Variants in ANO4 observed in about 807,000 individuals in gnomAD.
ANO4 encodes the protein anoctamin-4.
In ANO4, 69 loss-of-function variants were observed where a neutral mutation model predicts 141.9. The observed-to-expected ratio is 0.49, with a 90% CI of 0.40 to 0.59. ANO4 has a LOEUF of 0.59. Ranked by LOEUF, ANO4 falls within the 20% of genes least tolerant of loss-of-function variation. ANO4 has a pLI of 0.00. For missense variants in ANO4, 894 were observed against 1,162.2 expected, an observed-to-expected ratio of 0.77 and a Z score of 3.36; for synonymous variants, 350 against 394.3, an observed-to-expected ratio of 0.89 and a Z score of 1.33.
At chr12:101,079,331 ACCC>A in intron 15 of ANO4, 56 bp downstream of exon 15, 1 of 1,306,922 alleles carries the variant, frequency 7.7e-7, no homozygotes, top group Non-Finnish European at 1.1e-6. Context: ...GAACCACACG[ACCC>A]CCCCCCAAAA....
intron 1 of ANO4, among the ~76,000 whole-genome samples, chr12:100,801,752 G>T (rs1488418318): frequency 6.6e-6 from 1 of 150,694 alleles, no homozygotes; most frequent in East Asian, 2.0e-4. Flanking sequence ...GGGCTGGGGG[G>T]TGGGGTGGAG....
intron 15 of ANO4, among the ~76,000 whole-genome samples, chr12:101,080,883 T>TATATTATATA (rs1491584060): frequency 2.2e-4 from 16 of 74,100 alleles, no homozygotes; most frequent in African/African-American, 5.8e-4. Flanking sequence ...TATATATATA[T>TATATTATATA]TATATATATA....
chr12:100,795,725 A>C (rs1273574870), intron 1 of ANO4, among the ~76,000 whole-genome samples: 1 of 152,210 alleles, frequency 6.6e-6, no homozygotes, highest in African/African-American at 2.4e-5. Context: ...TGACAGGAAC[A>C]TTTTTGAGTT....
chr12:101,058,253 T>C (rs1566187520), intron 14 of ANO4, among the ~76,000 whole-genome samples: 1 of 152,244 alleles, frequency 6.6e-6, no homozygotes, highest in Non-Finnish European at 1.5e-5. Flanking sequence ...CATGCTGTTT[T>C]GGTTACTGTA....
intron 7 of ANO4, among the ~76,000 whole-genome samples, chr12:100,981,528 G>A (rs1252123784): frequency 6.6e-6 from 1 of 152,042 alleles, no homozygotes; most frequent in Non-Finnish European, 1.5e-5. Flanking sequence ...AGAAAAGAAA[G>A]CTCATCTGTA....
intron 26 of ANO4, 46 bp from the exon 27 acceptor site, chr12:101,126,833 A>G: frequency 6.4e-7 from 1 of 1,550,972 alleles, no homozygotes; most frequent in Non-Finnish European, 8.8e-7. Context: ...AACCTCATTC[A>G]GGATGCACAG....
chr12:100,765,740 A>C (rs1270107397), intron 3 of ANO4, among the ~76,000 whole-genome samples: 1 of 151,038 alleles, frequency 6.6e-6, no homozygotes, highest in Non-Finnish European at 1.5e-5. Context: ...TTTTAAATTT[A>C]ATTAATTAGA....
chr12:100,794,203 C>T (rs114979100), upstream of ANO4, among the ~76,000 whole-genome samples: 3,097 of 152,250 alleles, frequency 0.02, 105 homozygotes, highest in African/African-American at 0.07. Flanking sequence ...TCTTATCCTG[C>T]ACTTTGGGCA....
intron 2 of ANO4, among the ~76,000 whole-genome samples, chr12:100,916,175 A>G (rs1394236555): frequency 1.3e-5 from 2 of 152,178 alleles, no homozygotes; most frequent in Non-Finnish European, 2.9e-5. Flanking sequence ...TCCTTTTTCC[A>G]CTGAGGAAGA....
intron 8 of ANO4, among the ~76,000 whole-genome samples, chr12:101,002,967 C>T (rs1273937994): frequency 2.6e-5 from 4 of 152,192 alleles, no homozygotes; most frequent in East Asian, 1.9e-4. Context: ...CTAGCCTATA[C>T]GGTTTTTCTT....
chr12:100,792,526 T>C (rs2034081309), upstream of ANO4, among the ~76,000 whole-genome samples: 1 of 152,222 alleles, frequency 6.6e-6, no homozygotes, highest in Non-Finnish European at 1.5e-5. Context: ...TTACAAAAAT[T>C]AATGTTGTTG....
intron 5 of ANO4, among the ~76,000 whole-genome samples, chr12:100,950,229 A>G (rs2042914096): frequency 6.6e-6 from 1 of 151,616 alleles, no homozygotes; most frequent in Admixed American, 6.6e-5. Flanking sequence ...GTCAGAAAAG[A>G]AAAAAAAAGA....
chr12:101,090,098 AC>A (rs2049694936), intron 17 of ANO4, among the ~76,000 whole-genome samples: 1 of 152,232 alleles, frequency 6.6e-6, no homozygotes, highest in South Asian at 2.1e-4. Context: ...TCAGGAAACA[AC>A]AGGTGCTGGA....
intron 20 of ANO4, 41 bp from the exon 21 acceptor site, chr12:101,097,807 C>A: frequency 6.2e-7 from 1 of 1,607,900 alleles, no homozygotes. Context: ...CTTTCTTCCT[C>A]TCCATTGATT....
intron 7 of ANO4, among the ~76,000 whole-genome samples, chr12:100,976,982 A>G (rs2044224692): frequency 6.6e-6 from 1 of 152,022 alleles, no homozygotes; most frequent in African/African-American, 2.4e-5. Flanking sequence ...GGGTCATAAA[A>G]CCTATGTTGG....
At chr12:100,757,569 G>A (rs912073805) in intron 3 of ANO4, among the ~76,000 whole-genome samples, 3 of 152,170 alleles carry the variant, frequency 2.0e-5, no homozygotes, top group African/African-American at 4.8e-5. Context: ...CTTTATGGAG[G>A]GTGGAGCCAC....
intron 1 of ANO4, 133 bp downstream of exon 1, chr12:100,795,160 C>T (rs772156739): frequency 6.6e-6 from 1 of 152,660 alleles, no homozygotes; most frequent in Non-Finnish European, 1.5e-5. Context: ...CTGGGATGAT[C>T]CAGCTTCAAA....
At chr12:101,065,211 A>G (rs746188247) in intron 14 of ANO4, among the ~76,000 whole-genome samples, 10 of 152,176 alleles carry the variant, frequency 6.6e-5, no homozygotes, top group Non-Finnish European at 1.3e-4. Context: ...AGAATCTTCT[A>G]TGCATGAAAT....
chr12:100,849,854 A>G lies in ANO4; in HGVS notation c.-140-51792A>G, dbSNP rs139133877. ...TGTTAATTGTCACCACCAACCTCAA[A>G]TACCTGGGACCTTGTGGGCTCCGGA... On this transcript the variant is annotated intron_variant, in intron 1 of 27. Transcript: ENST00000392977. 1.5e-3 allele frequency among the ~76,000 whole-genome samples: 226 copies of G among 152,314 alleles called. 1 individual carries two copies. Among genetic ancestry groups the G allele is most frequent in the African/African-American group, 5.1e-3 (214 of 41,572 alleles).
Sources: allele counts gnomAD v4.1 joint callset (sites outside exome capture counted in the v4.1 genomes callset), GRCh38; gene constraint gnomAD v4.1.1; transcripts MANE v1.5; gene names NCBI Gene and HGNC (gene_info 2026-07-23, HGNC 2026-07-21).